TTC7B: variants seen among roughly 807,000 people sequenced by gnomAD.
The protein encoded by TTC7B is tetratricopeptide repeat protein 7B.
A neutral mutation model predicts 106.8 loss-of-function variants in TTC7B; 28 were observed. The ratio of observed to expected loss-of-function variants is 0.26; its 90% CI spans 0.19 to 0.36. The LOEUF is 0.36. TTC7B is among the 10% of genes least tolerant of loss of function. The pLI is 1.00. For missense variants in TTC7B, 862 were observed against 1,076.4 expected, an observed-to-expected ratio of 0.80 and a Z score of 2.79; for synonymous variants, 405 against 430.6, an observed-to-expected ratio of 0.94 and a Z score of 0.74.
At chr14:90,762,968 A>G (rs528456312) in intron 3 of TTC7B, among the ~76,000 whole-genome samples, 148 of 152,344 alleles carry the variant, frequency 9.7e-4, no homozygotes, top group African/African-American at 3.3e-3. Context: ...ACTGTACCAA[A>G]TACTTAAAGA....
chr14:90,729,760 A>G (rs1277648840), intron 5 of TTC7B, among the ~76,000 whole-genome samples: 3 of 152,214 alleles, frequency 2.0e-5, no homozygotes, highest in Non-Finnish European at 4.4e-5. Context: ...AGGCCGATGC[A>G]GAGCCATTCA....
Position 90,541,466 on chromosome 14 carries a change from C to T in TTC7B, c.2434G>A (p.Gly812Ser), listed in dbSNP as rs1889584460. Residue 812 changes from glycine (G) to serine (S), a missense_variant, in exon 20 of 20, where the codon GGC becomes AGC. Coordinates refer to ENST00000328459, the MANE Select transcript of TTC7B (RefSeq NM_001010854.2). The part of the protein sequence containing the change: ...NGLGEVLQAQ[G>S]NDAAATECFL... The stretch of plus-strand genomic sequence containing the variant: ...CACTCCGTAGCCGCCGCATCGTTGC[C>T]CTGAGCTTGGAGGACCTCGCCCAGC... 1 of 1,614,072 alleles carries T rather than the reference C, an allele frequency of 6.2e-7. No homozygotes were observed. Among genetic ancestry groups the T allele is most frequent in the South Asian group, 1.1e-5 (1 of 91,080 alleles).
rs192372966 is a variant in TTC7B at position 90,805,837 on chromosome 14, C to A, written c.121+10338G>T. ...AGAGTCACTCCTGTGAGCCCTGCGG[C>A]GGGCACAGCTCAATGCCCAGGGGCA... On this transcript the variant is annotated intron_variant, in intron 1 of 19. Coordinates refer to ENST00000328459, the MANE Select transcript of TTC7B (RefSeq NM_001010854.2). The surrounding 1 kb of genome is among the most constrained non-coding windows in gnomAD (Gnocchi z 4.0). 6.8e-6 allele frequency among the ~76,000 whole-genome samples: 1 copy of A among 147,598 alleles called. No homozygotes were observed. The highest frequency in any genetic ancestry group is 1.5e-5 in the Non-Finnish European group (1 of 66,676).
chr14:90,683,410 G>A (rs1887131470), intron 7 of TTC7B, among the ~76,000 whole-genome samples: 2 of 152,196 alleles, frequency 1.3e-5, no homozygotes, highest in Non-Finnish European at 2.9e-5. Flanking sequence ...AATGGCTGAA[G>A]TCCCACCCCG....
chr14:90,646,134 T>C (rs1476687095), intron 14 of TTC7B, among the ~76,000 whole-genome samples: 2 of 152,186 alleles, frequency 1.3e-5, no homozygotes, highest in Non-Finnish European at 2.9e-5. Context: ...CACTTCTCAA[T>C]GCCATTCCCA....
At chr14:90,598,686 G>T (rs530138037) in intron 17 of TTC7B, among the ~76,000 whole-genome samples, 1 of 152,344 alleles carries the variant, frequency 6.6e-6, no homozygotes, top group South Asian at 2.1e-4. Context: ...CACTGGGACG[G>T]CTAGCTCATA....
chr14:90,557,111 C>T (rs1890345512), intron 19 of TTC7B, among the ~76,000 whole-genome samples: 2 of 152,222 alleles, frequency 1.3e-5, no homozygotes, highest in African/African-American at 2.4e-5. Flanking sequence ...TTCCCAAAGA[C>T]CCTGACAGAG....
intron 17 of TTC7B, chr14:90,602,284 T>C: frequency 2.2e-6 from 1 of 453,404 alleles, no homozygotes; most frequent in Admixed American, 2.4e-5. Flanking sequence ...GTGGTTAATG[T>C]GAACTATGAA....
intron 6 of TTC7B, among the ~76,000 whole-genome samples, chr14:90,694,737 A>T (rs1301368748): frequency 7.1e-6 from 1 of 141,514 alleles, no homozygotes; most frequent in Admixed American, 7.2e-5. Flanking sequence ...TTTTATATAC[A>T]TTTTATTTTA....
rs1265402877 is a variant in TTC7B at position 90,530,973 on chromosome 14, C to T, written c.*10395G>A. Reference sequence around the variant, plus strand: ...CCTATGAAAATAAAAAATTAAAATTCTATAGAATTTGAAGAACAAAATGTA... The same window carrying T: ...CCTATGAAAATAAAAAATTAAAATTTTATAGAATTTGAAGAACAAAATGTA... On this transcript the variant is annotated 3_prime_UTR_variant, in exon 20 of 20. Transcript: ENST00000328459. 1 of 151,982 alleles carries T rather than the reference C, an allele frequency of 6.6e-6. No homozygotes were observed. Among genetic ancestry groups the T allele is most frequent in the African/African-American group, 2.4e-5 (1 of 41,344 alleles). 9.4% of individuals were successfully genotyped at this position (151,982 alleles called of 1,614,324 possible).
At chr14:90,690,679 A>T (rs1165313505) in intron 6 of TTC7B, among the ~76,000 whole-genome samples, 2 of 152,262 alleles carry the variant, frequency 1.3e-5, no homozygotes, top group Non-Finnish European at 2.9e-5. Context: ...CAGAGGTGGC[A>T]TCATAAACCA....
intron 6 of TTC7B, among the ~76,000 whole-genome samples, chr14:90,692,090 A>G (rs1887496929): frequency 6.6e-6 from 1 of 152,156 alleles, no homozygotes; most frequent in South Asian, 2.1e-4. Context: ...GCATCGATAA[A>G]CCACATGCTG....
At chr14:90,555,416 G>A (rs941289784) in intron 19 of TTC7B, among the ~76,000 whole-genome samples, 4 of 152,216 alleles carry the variant, frequency 2.6e-5, no homozygotes, top group African/African-American at 9.6e-5. Context: ...GAAGGGGGGG[G>A]TGTTTGATGG....
intron 3 of TTC7B, among the ~76,000 whole-genome samples, chr14:90,770,878 T>C (rs1459946625): frequency 4.0e-5 from 6 of 150,286 alleles, no homozygotes; most frequent in Non-Finnish European, 3.0e-5. Flanking sequence ...CGAAAGAAAA[T>C]TCTGACACAT....
intron 5 of TTC7B, among the ~76,000 whole-genome samples, chr14:90,721,455 A>T (rs1888895522): frequency 1.3e-5 from 2 of 152,240 alleles, no homozygotes; most frequent in South Asian, 4.1e-4. Context: ...CCTAGCCCAC[A>T]TTTAAACAGA....
At chr14:90,678,864 A>G (rs944000465) in intron 8 of TTC7B, among the ~76,000 whole-genome samples, 2 of 152,222 alleles carry the variant, frequency 1.3e-5, no homozygotes, top group African/African-American at 4.8e-5. Context: ...AATGTTTTCA[A>G]TCAGAATTGT....
intron 1 of TTC7B, among the ~76,000 whole-genome samples, chr14:90,789,406 T>C (rs938700597): frequency 2.6e-5 from 4 of 152,078 alleles, no homozygotes; most frequent in Non-Finnish European, 2.9e-5. Flanking sequence ...CCTTAATTTA[T>C]AAATTTTAAT....
intron 18 of TTC7B, among the ~76,000 whole-genome samples, chr14:90,583,456 T>C (rs983346911): frequency 9.2e-5 from 14 of 152,168 alleles, no homozygotes; most frequent in African/African-American, 2.9e-4. Flanking sequence ...CCCTTTCCTT[T>C]CACCAAGGAG....
intron 9 of TTC7B, among the ~76,000 whole-genome samples, chr14:90,667,961 T>G (rs1886475762): frequency 6.6e-6 from 1 of 152,212 alleles, no homozygotes. Flanking sequence ...ACTTTTGCAC[T>G]GAAGGGGAAC....
Sources: gnomAD v4.1 joint callset for allele counts (sites outside exome capture counted in the v4.1 genomes callset) on GRCh38, gnomAD v4.1.1 for gene constraint, Gnocchi (gnomAD v3.1) non-coding constraint, MANE v1.5 for transcripts, NCBI Gene and HGNC (gene_info 2026-07-23, HGNC 2026-07-21) for gene names.